Variants in FNBP1 observed in about 807,000 individuals in gnomAD.
FNBP1 encodes formin binding protein 1, also known as formin-binding protein 1.
FNBP1 carries 26 observed loss-of-function variants against 90.6 expected under a neutral mutation model. The observed-to-expected ratio is 0.29, with a 90% CI of 0.21 to 0.40. FNBP1 has a LOEUF of 0.40. Among genes scored for constraint, FNBP1 ranks in the 10% least tolerant of loss-of-function variants. The probability of loss-of-function intolerance (pLI) is 1.00; values close to 1 mark genes in which losing one functional copy is unlikely to be tolerated. For missense variants in FNBP1, 635 were observed against 768.0 expected (o/e 0.83, Z 2.05); for synonymous variants, 260 against 265.2 (o/e 0.98, Z 0.19).
chr9:130,048,790 T>A, the FNBP1 span, among the ~76,000 whole-genome samples: 1 of 97,672 alleles, frequency 1.0e-5, no homozygotes, highest in Non-Finnish European at 2.3e-5. Flanking sequence ...GTTTCCTCTT[T>A]TTTTTTTGAG....
chr9:129,975,925 G>A (rs1241972227), intron 4 of FNBP1, among the ~76,000 whole-genome samples: 3 of 99,320 alleles, frequency 3.0e-5, no homozygotes, highest in Admixed American at 2.1e-4. Context: ...AAAAAAAAAA[G>A]GAGAGAGACA....
At chr9:129,961,086 G>T (rs1196082683) in intron 4 of FNBP1, among the ~76,000 whole-genome samples, 1 of 151,998 alleles carries the variant, frequency 6.6e-6, no homozygotes, top group Non-Finnish European at 1.5e-5. Flanking sequence ...GCCAAGGTGG[G>T]CGAACCACCA....
At chr9:129,910,957 A>T (rs770737246) in intron 11 of FNBP1, among the ~76,000 whole-genome samples, 2 of 152,174 alleles carry the variant, frequency 1.3e-5, no homozygotes, top group Non-Finnish European at 2.9e-5. Flanking sequence ...ATCTAAGATG[A>T]AGCAAAACTA....
In FNBP1 at chr9:129,900,059, C is replaced by T; in HGVS notation, c.1593G>A (p.Glu531=). The T allele has an allele frequency of 3.1e-6, 5 of 1,613,624 alleles. No homozygotes were observed. Among genetic ancestry groups the T allele is most frequent in the Non-Finnish European group, 4.2e-6 (5 of 1,179,718 alleles). ...CAAAATCCGTGGCCAGCACCTTCAT[C>T]TCACTCTCCTGACTCTGCTCCTCTG... ...SYTEEQSQES[E]MKVLATDFDD... The change falls in exon 15 of 17, where the codon GAG becomes GAA. Residue 531 remains glutamate, a synonymous_variant. Transcript: ENST00000446176. The surrounding 1 kb of genome is among the most constrained non-coding windows in gnomAD (Gnocchi z 4.1).
chr9:130,052,195 A>T, the FNBP1 span, among the ~76,000 whole-genome samples: 9 of 152,322 alleles, frequency 5.9e-5, no homozygotes, highest in East Asian at 1.7e-3. Flanking sequence ...CTGGCACAAT[A>T]CAGCTTTCAA....
chr9:130,009,844 G>A lies in FNBP1; in HGVS notation c.25-14886C>T, dbSNP rs140657783. Among the ~76,000 whole-genome samples, 356 of 151,742 alleles carry A rather than the reference G, an allele frequency of 2.3e-3. 2 individuals are homozygous for A. The highest frequency in any genetic ancestry group is 8.2e-3 in the African/African-American group (339 of 41,370). ...AAAAATTAGCCTGGCATGGCGGCAC[G>A]CACCTGCACCTGTAATCCCAGCTAC... is the stretch of plus-strand genomic sequence containing the variant. On this transcript the variant is annotated intron_variant, in intron 1 of 16. Coordinates refer to ENST00000446176, the MANE Select transcript of FNBP1 (RefSeq NM_015033.3).
At chr9:129,927,762 C>A (rs552531464) in intron 7 of FNBP1, among the ~76,000 whole-genome samples, 1 of 142,252 alleles carries the variant, frequency 7.0e-6, no homozygotes, top group Non-Finnish European at 1.5e-5. Flanking sequence ...GCCCCACCCC[C>A]CCTCCCCCCG....
At chr9:129,937,447 A>G (rs2043650082) in intron 6 of FNBP1, among the ~76,000 whole-genome samples, 1 of 152,154 alleles carries the variant, frequency 6.6e-6, no homozygotes, top group African/African-American at 2.4e-5. Flanking sequence ...GAATTTTTAA[A>G]GTTGGCCGGG....
chr9:129,983,074 T>C lies in FNBP1; in HGVS notation c.141-3700A>G, dbSNP rs924222777. On this transcript the variant is annotated intron_variant, in intron 2 of 16. Coordinates refer to ENST00000446176, the MANE Select transcript of FNBP1 (RefSeq NM_015033.3). ...ATAAAAATTATTCCAAAATGTTAAA[T>C]CCACATTTTCTTTGTAGCCTCCTTT... 2.0e-5 allele frequency among the ~76,000 whole-genome samples: 3 copies of C among 152,344 alleles called. No individual in the cohort carries two copies. In the East Asian group the frequency reaches 5.8e-4, roughly 29 times the overall value.
intron 2 of FNBP1, 102 bp from the exon 3 acceptor site, chr9:129,979,476 C>A (rs1554830978): frequency 2.5e-6 from 2 of 794,348 alleles, no homozygotes; most frequent in Admixed American, 2.6e-5. Context: ...TTAAAACAAA[C>A]AAAAAAAGTC....
At position 130,001,154 on chromosome 9, in the gene FNBP1, A is replaced by G. The variant is rs556901655; in HGVS notation, c.25-6196T>C. Among the ~76,000 whole-genome samples, 3 of 152,078 alleles carry G rather than the reference A, an allele frequency of 2.0e-5. No homozygotes were observed. The South Asian group carries it at 6.2e-4, about 32-fold the overall frequency. On this transcript the variant is annotated intron_variant, in intron 1 of 16. Coordinates refer to ENST00000446176, the MANE Select transcript of FNBP1 (RefSeq NM_015033.3). ...GAGACCAGCCTGGCCAACGTGGTGA[A>G]ACCCCATCTCTACTAAAAATACAAA...
chr9:129,919,470 C>T (rs2040773334), intron 10 of FNBP1, among the ~76,000 whole-genome samples: 1 of 152,178 alleles, frequency 6.6e-6, no homozygotes, highest in Non-Finnish European at 1.5e-5. Flanking sequence ...TAAAATTCCC[C>T]TTTGTAGACT....
At chr9:129,987,610 G>A (rs1176391335) in intron 2 of FNBP1, among the ~76,000 whole-genome samples, 1 of 151,714 alleles carries the variant, frequency 6.6e-6, no homozygotes, top group Non-Finnish European at 1.5e-5. Flanking sequence ...GCGTCATCTT[G>A]GCTCACTGCA....
chr9:129,904,046 AAAAC>A (rs1167759370), intron 12 of FNBP1, among the ~76,000 whole-genome samples: 1 of 152,216 alleles, frequency 6.6e-6, no homozygotes, highest in East Asian at 1.9e-4. Context: ...CAAACAAAAC[AAAAC>A]AAACAAACAA....
At chr9:129,967,684 C>T (rs1328656471) in intron 4 of FNBP1, among the ~76,000 whole-genome samples, 1 of 152,124 alleles carries the variant, frequency 6.6e-6, no homozygotes, top group South Asian at 2.1e-4. Context: ...GAACAAGAAT[C>T]ATGTGAGATA....
At chr9:130,033,908 C>A (rs921140324) in intron 1 of FNBP1, among the ~76,000 whole-genome samples, 1 of 148,988 alleles carries the variant, frequency 6.7e-6, no homozygotes, top group African/African-American at 2.5e-5. Context: ...CCCAGCTACT[C>A]GGGAGGCTGA....
Position 129,890,311 on chromosome 9 carries a change from C to G in FNBP1, c.*228G>C. On this transcript the variant is annotated 3_prime_UTR_variant, in exon 17 of 17. Coordinates refer to ENST00000446176, the MANE Select transcript of FNBP1 (RefSeq NM_015033.3). This position sits in a 1 kb window ranked among gnomAD's most constrained non-coding sequence, Gnocchi z 5.8. ...GGAGGGGGAGCGATGAGGACTGACC[C>G]GAGCCATGGGGGTGGGCGCTGGCGA... 1 of 591,248 alleles carries G rather than the reference C, an allele frequency of 1.7e-6. No homozygotes were observed. The allele number at this position is 591,248 out of a possible 1,614,324, so 36.6% of individuals were successfully genotyped here.
At position 129,966,367 on chromosome 9, in the gene FNBP1, G is replaced by A. The variant is rs1349820731; in HGVS notation, c.346-7814C>T. On this transcript the variant is annotated intron_variant, in intron 4 of 16. Coordinates refer to ENST00000446176, the MANE Select transcript of FNBP1 (RefSeq NM_015033.3). This position sits in a 1 kb window ranked among gnomAD's most constrained non-coding sequence, Gnocchi z 4.3. Reference sequence around the variant, plus strand: ...AGACCAAGGTAAAGGGCACAGGGACGGAGGGCAGGCAGGGGCTTGACCATG... The same window carrying A: ...AGACCAAGGTAAAGGGCACAGGGACAGAGGGCAGGCAGGGGCTTGACCATG... 2.0e-5 allele frequency among the ~76,000 whole-genome samples: 3 copies of A among 152,186 alleles called. No homozygotes were observed. Among genetic ancestry groups the A allele is most frequent in the South Asian group, 2.1e-4 (1 of 4,832 alleles).
the FNBP1 span, among the ~76,000 whole-genome samples, chr9:130,052,208 A>G: frequency 1.3e-5 from 2 of 152,154 alleles, no homozygotes; most frequent in Non-Finnish European, 2.9e-5. Flanking sequence ...GCTTTCAAAT[A>G]TGTGAAAGAA....
Sources: gnomAD v4.1 joint callset for allele counts (sites outside exome capture counted in the v4.1 genomes callset) on GRCh38, gnomAD v4.1.1 for gene constraint, Gnocchi (gnomAD v3.1) non-coding constraint, MANE v1.5 for transcripts, NCBI Gene and HGNC (gene_info 2026-07-23, HGNC 2026-07-21) for gene names.